The following G6PD variants were observed in gnomAD, a reference collection of about 807,000 sequenced individuals.
The protein encoded by G6PD is glucose-6-phosphate 1-dehydrogenase.
G6PD carries 2 observed loss-of-function variants against 38.2 expected under a neutral mutation model. The ratio of observed to expected loss-of-function variants is 0.05; its 90% CI spans 0.02 to 0.16. The LOEUF (loss-of-function observed/expected upper bound fraction) is 0.16, where lower values mean the gene tolerates loss of function less well. G6PD is among the 10% of genes least tolerant of loss of function. The probability of loss-of-function intolerance (pLI) is 1.00; values close to 1 mark genes in which losing one functional copy is unlikely to be tolerated. For missense variants in G6PD, 310 were observed against 471.6 expected, an observed-to-expected ratio of 0.66 and a Z score of 3.17; for synonymous variants, 188 against 196.0, an observed-to-expected ratio of 0.96 and a Z score of 0.34.
At chrX:154,544,924 T>A (rs1462754361) in intron 2 of G6PD, among the ~76,000 whole-genome samples, 3 of 112,357 alleles carry the variant, frequency 2.7e-5, no homozygotes, top group East Asian at 5.6e-4. Flanking sequence ...AACTAACTAG[T>A]TTTGATAGAG....
intron 4 of G6PD, 142 bp from the exon 5 acceptor site, chrX:154,535,527 A>T (rs1447924055): frequency 1.8e-6 from 1 of 559,442 alleles, no homozygotes; most frequent in African/African-American, 2.3e-5. Flanking sequence ...CCCGTCCCAC[A>T]CTGGGTTCAG....
intron 2 of G6PD, among the ~76,000 whole-genome samples, chrX:154,543,163 C>T (rs1055926175): frequency 2.7e-5 from 3 of 112,270 alleles, no homozygotes; most frequent in Admixed American, 9.4e-5. Flanking sequence ...AAACAAACCA[C>T]GAGGCTCTTC....
At position 154,532,418 on chromosome X, in the gene G6PD, G is replaced by C. The variant is rs2070349293; in HGVS notation, c.1332C>G (p.Val444=). 3.3e-6 allele frequency: 4 copies of C among 1,211,897 alleles called. No homozygotes were observed. The highest frequency in any genetic ancestry group is 3.3e-6 in the Non-Finnish European group (3 of 895,556). The part of the protein sequence containing the change: ...PDAYERLILD[V]FCGSQMHFVR... ...CGAAGTGCATCTGGCTCCCGCAGAA[G>C]ACGTCCAGGATGAGGCGCTCATAGG... Residue 444 remains valine, a synonymous_variant, in exon 11 of 13, where the codon GTC becomes GTG. Coordinates refer to ENST00000393562, the MANE Select transcript of G6PD (RefSeq NM_001360016.2).
chrX:154,532,845 G>C (rs1557229795), intron 9 of G6PD, 43 bp from the exon 10 acceptor site: 7 of 1,199,465 alleles, frequency 5.8e-6, no homozygotes, highest in Non-Finnish European at 7.9e-6. Context: ...CTCTCTCAGG[G>C]TGTGGACCAG....
chrX:154,545,915 G>A (rs1164949461), intron 2 of G6PD, 121 bp downstream of exon 2: 1 of 881,385 alleles, frequency 1.1e-6, no homozygotes, highest in Admixed American at 2.2e-5. Context: ...GCACTAGCAG[G>A]AGCGGGAGGA....
chrX:154,535,183 G>T lies in G6PD; in HGVS notation c.470C>A (p.Ser157Tyr). ...CAAGCCTTACATCTGGCTCATGCAG[G>T]ACTCGTGAATGTTCTTGGTGACGGC... is the stretch of plus-strand genomic sequence containing the variant. The part of the protein sequence containing the change: ...YEAVTKNIHE[S>Y]CMSQIGWNRI... The change falls in exon 5 of 13, where the codon TCC becomes TAC. Residue 157 changes from serine to tyrosine, a missense_variant. By Grantham distance (144) the Ser-to-Tyr change is moderately radical. This residue lies in a region of G6PD where 96 missense variants were observed against 93.3 expected (regional missense o/e 1.03). Transcript: ENST00000393562. 1 of 1,210,908 alleles carries T rather than the reference G, an allele frequency of 8.3e-7. No individual in the cohort carries two copies. Among genetic ancestry groups the T allele is most frequent in the Non-Finnish European group, 1.1e-6 (1 of 895,163 alleles).
intron 2 of G6PD, chrX:154,542,313 C>G: frequency 1.7e-6 from 2 of 1,181,181 alleles, no homozygotes; most frequent in Non-Finnish European, 2.3e-6. Flanking sequence ...GAAGTGAGGA[C>G]CCCGCAGACT....
rs1259244008 is a variant in G6PD, at chrX:154,534,996, C to A, written c.485+172G>T. ...TGGCCGGGCCTTTGGGGAAGCAGAG[C>A]GGAAAGGCGGTGTTTCGTGGAGCAA... On this transcript the variant is annotated intron_variant, in intron 5 of 12. Coordinates refer to ENST00000393562, the MANE Select transcript of G6PD (RefSeq NM_001360016.2). The A allele has an allele frequency of 1.5e-4, 77 of 514,509 alleles. 1 individual carries two copies. The highest frequency in any genetic ancestry group is 5.0e-5 in the Non-Finnish European group (15 of 300,843). The allele number at this position is 514,509 out of a possible 1,213,427, so 42.4% of individuals were successfully genotyped here. A position where few individuals can be genotyped will look rare whatever the true frequency, so the allele number is the denominator to read the frequency against.
intron 4 of G6PD, 48 bp from the exon 5 acceptor site, chrX:154,535,433 CTT>C (rs1287686250): frequency 1.1e-5 from 12 of 1,099,531 alleles, no homozygotes; most frequent in East Asian, 3.1e-5. Flanking sequence ...CAGCCCCTCT[CTT>C]TGAGTCCGTG....
chrX:154,534,213 G>A, intron 6 of G6PD, 53 bp from the exon 7 acceptor site: 2 of 1,208,094 alleles, frequency 1.7e-6, no homozygotes, highest in Non-Finnish European at 2.2e-6. Context: ...GTGGTGCAGG[G>A]GCCACATGTG....
chrX:154,541,830 C>T (rs988434074), intron 2 of G6PD, among the ~76,000 whole-genome samples: 5 of 112,200 alleles, frequency 4.5e-5, no homozygotes, highest in East Asian at 2.8e-4. Flanking sequence ...TTTTATAAAC[C>T]GAAATCGCTG....
intron 1 of G6PD, 51 bp downstream of exon 1, chrX:154,546,738 G>A: frequency 9.9e-7 from 1 of 1,011,512 alleles, no homozygotes. Flanking sequence ...GCGCGGCGCA[G>A]CGCGGGACAG....
At chrX:154,542,454 T>G (rs1342577885) in intron 2 of G6PD, 5 of 1,173,202 alleles carry the variant, frequency 4.3e-6, no homozygotes, top group Non-Finnish European at 5.7e-6. Flanking sequence ...AAGGGGGCAG[T>G]AAGTACCTCG....
At chrX:154,533,733 TG>T (rs781914957) in intron 7 of G6PD, 64 bp from the exon 8 acceptor site, 1 of 1,200,487 alleles carries the variant, frequency 8.3e-7, no homozygotes. Context: ...TTCAAGGGCA[TG>T]GGGACCCCAA....
At chrX:154,546,899 T>A, upstream of G6PD, 1 of 884,090 alleles carries the variant, frequency 1.1e-6, no homozygotes, top group Non-Finnish European at 1.5e-6. Flanking sequence ...GGCGGGCGCC[T>A]GGGCTGAGCG....
chrX:154,531,898 G>T lies in G6PD; in HGVS notation c.*102C>A, dbSNP rs1224291575. The T allele has an allele frequency of 8.0e-6, 9 of 1,128,807 alleles. No individual in the cohort carries two copies. Among genetic ancestry groups the T allele is most frequent in the Non-Finnish European group, 1.1e-5 (9 of 846,941 alleles). 93.0% of individuals were successfully genotyped at this position (1,128,807 alleles called of 1,213,427 possible). A position where few individuals can be genotyped will look rare whatever the true frequency, so the allele number is the denominator to read the frequency against. ...CAGGGTGGCCAGAGCCCGGGGCCAGGAATGTGCAGCTGAGGTCAATGGTCC... is the reference window on the plus strand; with the variant it reads ...CAGGGTGGCCAGAGCCCGGGGCCAGTAATGTGCAGCTGAGGTCAATGGTCC... On this transcript the variant is annotated 3_prime_UTR_variant, in exon 13 of 13. Coordinates refer to ENST00000393562, the MANE Select transcript of G6PD (RefSeq NM_001360016.2).
intron 4 of G6PD, 33 bp downstream of exon 4, chrX:154,535,904 A>T (rs782575480): frequency 9.6e-6 from 11 of 1,148,303 alleles, no homozygotes; most frequent in South Asian, 3.6e-5. Flanking sequence ...GAGAGGGCAG[A>T]ACCAGGCTGG....
chrX:154,546,232 G>A, intron 1 of G6PD, 69 bp from the exon 2 acceptor site: 1 of 1,175,621 alleles, frequency 8.5e-7, no homozygotes, highest in Non-Finnish European at 1.1e-6. Context: ...CCCCTTTCTT[G>A]AGAGTTCCTC....
At chrX:154,540,198 C>T (rs1276224066) in intron 2 of G6PD, among the ~76,000 whole-genome samples, 3 of 107,893 alleles carry the variant, frequency 2.8e-5, no homozygotes, top group East Asian at 6.0e-4. Context: ...AGGCCAGGCG[C>T]GGTGGCTCAT....
Sources: allele counts gnomAD v4.1 joint callset (sites outside exome capture counted in the v4.1 genomes callset), GRCh38; gene constraint gnomAD v4.1.1; regional missense constraint gnomAD v4.1.1; transcripts MANE v1.5; gene names NCBI Gene and HGNC (gene_info 2026-07-23, HGNC 2026-07-21).